Variants in GALNT10 observed in about 807,000 individuals in gnomAD.
The protein encoded by GALNT10 is GalNAc transferase 10.
Under a neutral mutation model 75.0 loss-of-function variants are expected in GALNT10, and 41 were observed. That is an observed-to-expected ratio of 0.55 (90% CI 0.43 to 0.71). GALNT10 has a LOEUF of 0.71. Ranked by LOEUF, GALNT10 falls within the 30% of genes least tolerant of loss-of-function variation. GALNT10 has a pLI of 0.00. For missense variants in GALNT10, 727 were observed against 818.5 expected, an observed-to-expected ratio of 0.89 and a Z score of 1.36; for synonymous variants, 302 against 313.0, an observed-to-expected ratio of 0.96 and a Z score of 0.37.
chr5:154,327,348 A>C (rs1754770105), intron 3 of GALNT10, among the ~76,000 whole-genome samples: 1 of 152,244 alleles, frequency 6.6e-6, no homozygotes, highest in African/African-American at 2.4e-5. Context: ...GATGATATGA[A>C]GGATTAAAAG....
chr5:154,272,432 A>G (rs1753881223), intron 1 of GALNT10, among the ~76,000 whole-genome samples: 1 of 147,642 alleles, frequency 6.8e-6, no homozygotes, highest in Admixed American at 6.6e-5. Flanking sequence ...CAGGAGCCTC[A>G]AAAAGGAACT....
rs373237804 is a variant in GALNT10, at chr5:154,409,757, G to T, written c.1381G>T (p.Gly461Trp). 6.2e-7 allele frequency: 1 copy of T among 1,610,274 alleles called. No homozygotes were observed. The highest frequency in any genetic ancestry group is 8.5e-7 in the Non-Finnish European group (1 of 1,176,588). Residue 461 changes from glycine (G) to tryptophan (W), a missense_variant, in exon 9 of 12, where the codon GGG becomes TGG. Gly to Trp is a radical substitution (Grantham distance 184). Coordinates refer to ENST00000297107, the MANE Select transcript of GALNT10 (RefSeq NM_198321.4). The surrounding 1 kb of genome is among the most constrained non-coding windows in gnomAD (Gnocchi z 4.5). ...PPVEPPAAAW[G>W]EIRNVGTGLC... Reference sequence around the variant, plus strand: ...CGTGGAGCCCCCGGCTGCAGCTTGGGGGGAGGTGAGTCTGGAGGGCAGGGC... The same window carrying T: ...CGTGGAGCCCCCGGCTGCAGCTTGGTGGGAGGTGAGTCTGGAGGGCAGGGC...
chr5:154,282,441 C>T (rs1342842876), intron 1 of GALNT10, among the ~76,000 whole-genome samples: 1 of 152,170 alleles, frequency 6.6e-6, no homozygotes, highest in East Asian at 1.9e-4. Flanking sequence ...AGGAAAATAT[C>T]ATCTTTATTC....
In GALNT10 at chr5:154,335,474, CCT is replaced by C. The variant is rs368206167; in HGVS notation, c.568+5737_568+5738del. ...ATCCAAAGTGTTGTAGATATTACTC[CCT>C]GGGGTTAGGGAAGGGAAGAATGTTC... On this transcript the variant is annotated intron_variant, in intron 4 of 11. Transcript: ENST00000297107. 7.2e-4 allele frequency among the ~76,000 whole-genome samples: 110 copies of C among 152,164 alleles called. No homozygotes were observed. In the East Asian group the frequency reaches 0.016, roughly 22 times the overall value.
intron 1 of GALNT10, among the ~76,000 whole-genome samples, chr5:154,203,077 T>C (rs1775052247): frequency 6.6e-6 from 1 of 152,260 alleles, no homozygotes; most frequent in Non-Finnish European, 1.5e-5. Context: ...GTCAGGCTTT[T>C]GCTTTCTTTT....
rs934742717 is a variant in GALNT10, at chr5:154,323,939, C to T, written c.402-5633C>T. Among the ~76,000 whole-genome samples, 4 of 152,340 alleles carry T rather than the reference C, an allele frequency of 2.6e-5. No individual in the cohort carries two copies. In the East Asian group the frequency reaches 7.7e-4, roughly 29 times the overall value. On this transcript the variant is annotated intron_variant, in intron 3 of 11. Transcript: ENST00000297107. ...TGGCCACCGCCTCTGCCTTGAGCCT[C>T]AGCACCTTCTGTGAAATGAGGATAG...
intron 1 of GALNT10, among the ~76,000 whole-genome samples, chr5:154,250,522 T>C (rs947784667): frequency 2.0e-5 from 3 of 152,184 alleles, no homozygotes; most frequent in Non-Finnish European, 4.4e-5. Context: ...TAAATGTACA[T>C]GTACAGCATG....
intron 4 of GALNT10, among the ~76,000 whole-genome samples, chr5:154,340,530 AG>A (rs1474521597): frequency 2.0e-5 from 3 of 152,188 alleles, no homozygotes; most frequent in African/African-American, 7.2e-5. Flanking sequence ...TATGTCTAAT[AG>A]GTATGTTCTT....
chr5:154,323,779 CA>C (rs1417076067), intron 3 of GALNT10, among the ~76,000 whole-genome samples: 1 of 151,994 alleles, frequency 6.6e-6, no homozygotes, highest in African/African-American at 2.4e-5. Flanking sequence ...GAAATCCTGT[CA>C]GGTACTGAAA....
intron 1 of GALNT10, among the ~76,000 whole-genome samples, chr5:154,199,573 T>G (rs1354213398): frequency 2.0e-5 from 3 of 152,178 alleles, no homozygotes; most frequent in Non-Finnish European, 4.4e-5. Context: ...CTGCGAGGAT[T>G]GGCTGGGGCG....
intron 1 of GALNT10, among the ~76,000 whole-genome samples, chr5:154,213,833 C>G (rs1244497363): frequency 6.6e-6 from 1 of 152,140 alleles, no homozygotes; most frequent in African/African-American, 2.4e-5. Context: ...TCCTCCTGTC[C>G]TGGCCTCCCA....
chr5:154,395,996 G>A (rs1277722158), intron 7 of GALNT10, among the ~76,000 whole-genome samples: 1 of 152,188 alleles, frequency 6.6e-6, no homozygotes, highest in African/African-American at 2.4e-5. Context: ...TGAATAGGTG[G>A]GAGGTTGTGC....
intron 4 of GALNT10, among the ~76,000 whole-genome samples, chr5:154,375,270 TG>T (rs1323651174): frequency 1.3e-5 from 2 of 152,202 alleles, no homozygotes; most frequent in African/African-American, 4.8e-5. Flanking sequence ...GCTTTTCTCC[TG>T]ATCAGAGGAG....
chr5:154,314,379 A>T (rs1430443372), intron 3 of GALNT10, among the ~76,000 whole-genome samples: 2 of 152,124 alleles, frequency 1.3e-5, no homozygotes, highest in Non-Finnish European at 2.9e-5. Flanking sequence ...ACCAAGGGCC[A>T]CTGTTTGAGA....
intron 4 of GALNT10, among the ~76,000 whole-genome samples, chr5:154,360,052 GT>G (rs746676944): frequency 3.3e-5 from 5 of 152,070 alleles, no homozygotes; most frequent in Non-Finnish European, 7.3e-5. Context: ...CTGCAGCACT[GT>G]TTGTAATAGT....
At chr5:154,256,115 G>A (rs1753605222) in intron 1 of GALNT10, among the ~76,000 whole-genome samples, 1 of 152,048 alleles carries the variant, frequency 6.6e-6, no homozygotes, top group South Asian at 2.1e-4. Context: ...TCCTTACAGG[G>A]CTTTGGGTAT....
intron 1 of GALNT10, among the ~76,000 whole-genome samples, chr5:154,199,838 C>T (rs1340673442): frequency 6.6e-6 from 1 of 152,202 alleles, no homozygotes; most frequent in East Asian, 1.9e-4. Context: ...CACTTGCTGG[C>T]TCTGTGCCTG....
chr5:154,302,156 A>C (rs1754372309), intron 3 of GALNT10, among the ~76,000 whole-genome samples: 1 of 152,232 alleles, frequency 6.6e-6, no homozygotes, highest in Admixed American at 6.5e-5. Context: ...TTTAGCTTAA[A>C]CAACTTCTCC....
At chr5:154,363,092 C>G (rs1253945898) in intron 4 of GALNT10, among the ~76,000 whole-genome samples, 2 of 152,152 alleles carry the variant, frequency 1.3e-5, no homozygotes, top group African/African-American at 4.8e-5. Flanking sequence ...AAAGGACATG[C>G]TAGAGCTACA....
Sources: allele counts gnomAD v4.1 joint callset (sites outside exome capture counted in the v4.1 genomes callset), GRCh38; gene constraint gnomAD v4.1.1; non-coding constraint Gnocchi (gnomAD v3.1); transcripts MANE v1.5; gene names NCBI Gene and HGNC (gene_info 2026-07-23, HGNC 2026-07-21).